CTNNA3: variants seen among roughly 807,000 people sequenced by gnomAD.
The protein encoded by CTNNA3 is catenin alpha-3.
In CTNNA3, 76 loss-of-function variants were observed where a neutral mutation model predicts 95.7. The observed-to-expected ratio is 0.79, with a 90% CI of 0.66 to 0.96. The LOEUF is 0.96. Among genes scored for constraint, CTNNA3 ranks in the 40% least tolerant of loss-of-function variants. CTNNA3 has a pLI of 0.00. For missense variants in CTNNA3, 1,191 were observed against 1,089.8 expected (o/e 1.09, Z -1.31); for synonymous variants, 431 against 374.4 (o/e 1.15, Z -1.74).
intron 7 of CTNNA3, among the ~76,000 whole-genome samples, chr10:66,921,135 C>T (rs576952510): frequency 5.3e-5 from 8 of 152,262 alleles, no homozygotes; most frequent in Admixed American, 4.6e-4. Context: ...TCAAAGACAG[C>T]CTGATTTCTG....
intron 15 of CTNNA3, among the ~76,000 whole-genome samples, chr10:66,023,375 C>T (rs6480128): frequency 0.69 from 104,180 of 151,922 alleles, 35,882 homozygotes; most frequent in South Asian, 0.76. Flanking sequence ...AACATACATA[C>T]CTCATGAGTT....
Position 65,914,130 on chromosome 10 carries a change from ATTAAGTAGCT to A in CTNNA3, c.*6190_*6199del, listed in dbSNP as rs1226404388. 1 of 152,198 alleles carries A rather than the reference ATTAAGTAGCT, an allele frequency of 6.6e-6. No individual in the cohort carries two copies. Among genetic ancestry groups the A allele is most frequent in the Non-Finnish European group, 1.5e-5 (1 of 68,030 alleles). 9.4% of individuals were successfully genotyped at this position (152,198 alleles called of 1,614,324 possible). A position where few individuals can be genotyped will look rare whatever the true frequency, so the allele number is the denominator to read the frequency against. ...AAAACACAAGAACTACTCTGCTAAT[ATTAAGTAGCT>A]TTTGTACATGTTCTAAATTGAAGAA... On this transcript the variant is annotated 3_prime_UTR_variant, in exon 18 of 18. Transcript: ENST00000433211.
chr10:66,406,037 T>C (rs1185875130), intron 11 of CTNNA3, among the ~76,000 whole-genome samples: 1 of 152,178 alleles, frequency 6.6e-6, no homozygotes, highest in African/African-American at 2.4e-5. Context: ...AATGGGTTTC[T>C]CTGAAATTGC....
At chr10:67,548,582 C>T (rs972415335) in intron 3 of CTNNA3, among the ~76,000 whole-genome samples, 1 of 152,112 alleles carries the variant, frequency 6.6e-6, no homozygotes, top group African/African-American at 2.4e-5. Context: ...AATAGAATTG[C>T]TATCTCAGAA....
At chr10:66,568,085 C>A (rs971407094) in intron 10 of CTNNA3, among the ~76,000 whole-genome samples, 2 of 152,028 alleles carry the variant, frequency 1.3e-5, no homozygotes, top group African/African-American at 4.8e-5. Context: ...ACAAGACAAT[C>A]AAGAAAAAGC....
rs1214795214 is a variant in CTNNA3, at chr10:66,467,596, C to T, written c.1531+53021G>A. 2.6e-5 allele frequency among the ~76,000 whole-genome samples: 4 copies of T among 152,084 alleles called. No individual in the cohort carries two copies. In the East Asian group the frequency reaches 5.8e-4, roughly 22 times the overall value. On this transcript the variant is annotated intron_variant, in intron 11 of 17. Coordinates refer to ENST00000433211, the MANE Select transcript of CTNNA3 (RefSeq NM_013266.4). Reference sequence around the variant, plus strand: ...ATGCCCAGGTTCTTAGGGAGAGGCACAAAATAAGGCAACTCTTTTCTCCCT... The same window carrying T: ...ATGCCCAGGTTCTTAGGGAGAGGCATAAAATAAGGCAACTCTTTTCTCCCT...
chr10:66,695,724 A>T (rs932864624), intron 9 of CTNNA3, among the ~76,000 whole-genome samples: 32 of 152,086 alleles, frequency 2.1e-4, no homozygotes, highest in Non-Finnish European at 4.4e-5. Context: ...TTTCTTTAAT[A>T]TTGTTATTGG....
In CTNNA3 at chr10:65,914,967, C is replaced by T. The variant is rs544469987; in HGVS notation, c.*5363G>A. 6.6e-6 allele frequency: 1 copy of T among 152,174 alleles called. No homozygotes were observed. Among genetic ancestry groups the T allele is most frequent in the African/African-American group, 2.4e-5 (1 of 41,514 alleles). 9.4% of individuals were successfully genotyped at this position (152,174 alleles called of 1,614,324 possible). A position where few individuals can be genotyped will look rare whatever the true frequency, so the allele number is the denominator to read the frequency against. On this transcript the variant is annotated 3_prime_UTR_variant, in exon 18 of 18. Transcript: ENST00000433211. ...CCCATTTAACCCTCAGCTTCCTTGTCTGTGGAATGATATATATCCTATAGG... is the reference window on the plus strand; with the variant it reads ...CCCATTTAACCCTCAGCTTCCTTGTTTGTGGAATGATATATATCCTATAGG...
intron 5 of CTNNA3, among the ~76,000 whole-genome samples, chr10:67,467,990 C>T (rs1847665433): frequency 1.3e-5 from 2 of 151,466 alleles, no homozygotes; most frequent in African/African-American, 2.4e-5. Context: ...GGATTATAGG[C>T]ATGAGCCACT....
rs1402746886 is a variant in CTNNA3, at chr10:67,622,532, C to T, written c.100-15483G>A. Among the ~76,000 whole-genome samples, 3 of 152,278 alleles carry T rather than the reference C, an allele frequency of 2.0e-5. No individual in the cohort carries two copies. In the East Asian group the frequency reaches 5.8e-4, roughly 29 times the overall value. ...GGAAGCAAGCTGAGAAGAGGTGAAGCACATACAATGAATGGCAGCTACCCA... is the reference window on the plus strand; with the variant it reads ...GGAAGCAAGCTGAGAAGAGGTGAAGTACATACAATGAATGGCAGCTACCCA... On this transcript the variant is annotated intron_variant, in intron 2 of 17. Transcript: ENST00000433211.
At chr10:66,142,005 AT>A (rs1267760954) in intron 13 of CTNNA3, among the ~76,000 whole-genome samples, 1 of 152,138 alleles carries the variant, frequency 6.6e-6, no homozygotes, top group Non-Finnish European at 1.5e-5. Flanking sequence ...GAAAGCTTAC[AT>A]TTTAATAAAG....
At chr10:66,444,766 CTAACGAGCAAAA>C (rs2131802126) in intron 11 of CTNNA3, among the ~76,000 whole-genome samples, 1 of 152,296 alleles carries the variant, frequency 6.6e-6, no homozygotes, top group African/African-American at 2.4e-5. Flanking sequence ...ACTGCATCAA[CTAACGAGCAAAA>C]TAACCAGCTA....
rs182530946 is a variant in CTNNA3 at position 67,364,708 on chromosome 10, C to T, written c.580-144838G>A. On this transcript the variant is annotated intron_variant, in intron 5 of 17. Coordinates refer to ENST00000433211, the MANE Select transcript of CTNNA3 (RefSeq NM_013266.4). ...CTTCAAGGAGAACTACAAACCACTGCCCAACAAAATAAAAGAGGACACAAG... is the reference window on the plus strand; with the variant it reads ...CTTCAAGGAGAACTACAAACCACTGTCCAACAAAATAAAAGAGGACACAAG... Among the ~76,000 whole-genome samples, 291 of 152,190 alleles carry T rather than the reference C, an allele frequency of 1.9e-3. 2 individuals are homozygous for T. Among genetic ancestry groups the T allele is most frequent in the African/African-American group, 6.7e-3 (280 of 41,524 alleles).
intron 13 of CTNNA3, among the ~76,000 whole-genome samples, chr10:66,246,075 C>G (rs909283506): frequency 6.6e-6 from 1 of 152,204 alleles, no homozygotes; most frequent in Admixed American, 6.5e-5. Context: ...GGTGGGGCCT[C>G]ACCAGGGATG....
rs574082598 is a variant in CTNNA3, at chr10:66,469,528, G to A, written c.1531+51089C>T. On this transcript the variant is annotated intron_variant, in intron 11 of 17. Coordinates refer to ENST00000433211, the MANE Select transcript of CTNNA3 (RefSeq NM_013266.4). ...CTATGTTAAATGTATGTTATTTATC[G>A]TTAAAAAATAGTGAGATATCTACTT... Among the ~76,000 whole-genome samples, 10 of 150,390 alleles carry A rather than the reference G, an allele frequency of 6.6e-5. No homozygotes were observed. The East Asian group carries it at 1.4e-3, about 21-fold the overall frequency.
At chr10:66,465,127 G>C (rs1186421437) in intron 11 of CTNNA3, among the ~76,000 whole-genome samples, 2 of 152,204 alleles carry the variant, frequency 1.3e-5, no homozygotes, top group East Asian at 3.9e-4. Context: ...TTGCCTGTTA[G>C]AAGCTAACAA....
At chr10:66,810,415 C>G (rs1260094792) in intron 7 of CTNNA3, among the ~76,000 whole-genome samples, 2 of 152,104 alleles carry the variant, frequency 1.3e-5, no homozygotes, top group African/African-American at 2.4e-5. Context: ...CATCTTAGAT[C>G]ACTCTTTTTC....
intron 2 of CTNNA3, among the ~76,000 whole-genome samples, chr10:67,624,781 C>A (rs1034081295): frequency 2.0e-5 from 3 of 152,160 alleles, no homozygotes; most frequent in African/African-American, 4.8e-5. Flanking sequence ...TCTCTCTCTG[C>A]ATAATCTGGT....
intron 9 of CTNNA3, among the ~76,000 whole-genome samples, chr10:66,644,678 T>C (rs1845643361): frequency 6.6e-6 from 1 of 150,446 alleles, no homozygotes; most frequent in Non-Finnish European, 1.5e-5. Flanking sequence ...TGTAAGACTA[T>C]ATTTTCAGGG....
Sources: allele counts gnomAD v4.1 joint callset (sites outside exome capture counted in the v4.1 genomes callset), GRCh38; gene constraint gnomAD v4.1.1; transcripts MANE v1.5; gene names NCBI Gene and HGNC (gene_info 2026-07-23, HGNC 2026-07-21).